Variants in TTC8 observed in about 807,000 individuals in gnomAD.
TTC8 encodes the protein tetratricopeptide repeat domain 8.
A neutral mutation model predicts 72.5 loss-of-function variants in TTC8; 47 were observed. That is an observed-to-expected ratio of 0.65 (90% CI 0.51 to 0.83). The LOEUF is 0.83. Ranked by LOEUF, TTC8 falls within the 40% of genes least tolerant of loss-of-function variation. TTC8 has a pLI of 0.00. For missense variants in TTC8, 611 were observed against 623.2 expected (o/e 0.98, Z 0.21); for synonymous variants, 199 against 221.4 (o/e 0.90, Z 0.90).
intron 12 of TTC8, among the ~76,000 whole-genome samples, 172 bp from the exon 13 acceptor site, chr14:88,872,158 C>T (rs1185576554): frequency 6.6e-6 from 1 of 152,114 alleles, no homozygotes; most frequent in African/African-American, 2.4e-5. Flanking sequence ...GGAGTCATTG[C>T]GGCTCATTTT....
Position 88,871,775 on chromosome 14 carries a change from G to C in TTC8, c.1224+52G>C. ...TGTTATAGAAAGTTGGTTTGAGCCA[G>C]ACACAGTGGCTCATGCCTATAATTC... On this transcript the variant is annotated intron_variant, in intron 12 of 14. Transcript: ENST00000380656. The surrounding 1 kb of genome is among the most constrained non-coding windows in gnomAD (Gnocchi z 4.1). The C allele has an allele frequency of 6.3e-7, 1 of 1,580,510 alleles. No homozygotes were observed. Among genetic ancestry groups the C allele is most frequent in the Non-Finnish European group, 8.7e-7 (1 of 1,150,420 alleles).
Position 88,853,016 on chromosome 14 carries a change from G to A in TTC8, c.670G>A (p.Asp224Asn). ...CTCCACAGAACATTCTCAGTACAAG[G>A]ACTGGTGGTGGAAAGTACAGATTGG... ...ALSTEHSQYK[D>N]WWWKVQIGKC... is the part of the protein sequence containing the mutation. Residue 224 changes from aspartate to asparagine, a missense_variant, in exon 8 of 15, where the codon GAC (aspartate) becomes AAC (asparagine). Physicochemically the swap from Asp to Asn is conservative, Grantham distance 23 (BLOSUM62 1). Transcript: ENST00000380656. The A allele has an allele frequency of 6.2e-7, 1 of 1,613,562 alleles. No homozygotes were observed. Among genetic ancestry groups the A allele is most frequent in the Non-Finnish European group, 8.5e-7 (1 of 1,179,644 alleles).
chr14:88,858,810 T>A (rs2141010576), intron 9 of TTC8, among the ~76,000 whole-genome samples: 1 of 142,742 alleles, frequency 7.0e-6, no homozygotes, highest in Non-Finnish European at 1.5e-5. Flanking sequence ...GCTGTGTTGA[T>A]AGGCTGGTCT....
chr14:88,870,025 T>A (rs2094927083), intron 10 of TTC8, 34 bp from the exon 11 acceptor site: 2 of 1,609,100 alleles, frequency 1.2e-6, no homozygotes, highest in African/African-American at 2.7e-5. Context: ...CCAATATTAA[T>A]AAAATATTGC....
At chr14:88,852,182 A>G (rs556990271) in intron 7 of TTC8, among the ~76,000 whole-genome samples, 1 of 152,306 alleles carries the variant, frequency 6.6e-6, no homozygotes, top group African/African-American at 2.4e-5. Context: ...AAATTTCTAC[A>G]AAGACTGATT....
At chr14:88,825,308 A>G (rs1217140989) in intron 1 of TTC8, among the ~76,000 whole-genome samples, 3 of 152,206 alleles carry the variant, frequency 2.0e-5, no homozygotes, top group Non-Finnish European at 1.5e-5. Flanking sequence ...CCAAGAGTGA[A>G]GGAGGCCATG....
chr14:88,864,682 CAAAT>C (rs1368949067), intron 10 of TTC8, among the ~76,000 whole-genome samples: 4 of 152,178 alleles, frequency 2.6e-5, no homozygotes, highest in Non-Finnish European at 5.9e-5. Flanking sequence ...CAATCATGCA[CAAAT>C]AGAGTGATCA....
intron 7 of TTC8, among the ~76,000 whole-genome samples, chr14:88,847,999 T>C (rs1595952292): frequency 6.6e-6 from 1 of 151,808 alleles, no homozygotes; most frequent in Non-Finnish European, 1.5e-5. Flanking sequence ...GGCAGGTGCC[T>C]GTAATCCCAG....
chr14:88,874,942 C>T, intron 13 of TTC8, 84 bp from the exon 14 acceptor site: 1 of 1,060,796 alleles, frequency 9.4e-7, no homozygotes, highest in Non-Finnish European at 1.4e-6. Flanking sequence ...GTAAAGAATT[C>T]TTTTACCAAA....
In TTC8 at chr14:88,840,907, G is replaced by A. The variant is rs140710339; in HGVS notation, c.308G>A (p.Gly103Glu). Residue 103 changes from glycine (G) to glutamate (E), a missense_variant, in exon 4 of 15, where the codon GGA becomes GAA. By Grantham distance (98) the Gly-to-Glu change is moderately conservative. Coordinates refer to ENST00000380656, the MANE Select transcript of TTC8 (RefSeq NM_144596.4). Reference protein sequence around the residue: ...SLKLPGTNQTGGPSQAVRPIT... With the variant: ...SLKLPGTNQTEGPSQAVRPIT... ...AAACTCCCTGGAACTAATCAGACAG[G>A]AGGGCCTAGCCAGGCCGTTAGGTAT... The A allele has an allele frequency of 3.1e-6, 5 of 1,614,118 alleles. No individual in the cohort carries two copies. Among genetic ancestry groups the A allele is most frequent in the Non-Finnish European group, 4.2e-6 (5 of 1,179,996 alleles).
At position 88,824,818 on chromosome 14, in the gene TTC8, C is replaced by A; in HGVS notation, c.111C>A (p.Asp37Glu). The A allele has an allele frequency of 6.2e-7, 1 of 1,612,034 alleles. No homozygotes were observed. The change falls in exon 1 of 15, where the codon GAC (aspartate) becomes GAA (glutamate). Residue 37 changes from aspartate (D) to glutamate (E), a missense_variant. Transcript: ENST00000380656. ...AGATGCTGGAGAAGTCCCCTTATGA[C>A]CAGGTACCGGCCAGCTCCCGTCAGC... The part of the protein sequence containing the change: ...CTQMLEKSPY[D>E]QEPDPELPVH...
At chr14:88,880,786 T>A (rs1249164235), downstream of TTC8, 1 of 151,852 alleles carries the variant, frequency 6.6e-6, no homozygotes, top group Non-Finnish European at 1.5e-5. Context: ...CCTCCCTTTT[T>A]AAAAATAGAC....
intron 10 of TTC8, among the ~76,000 whole-genome samples, chr14:88,866,250 C>T (rs543536205): frequency 6.6e-6 from 1 of 151,682 alleles, no homozygotes; most frequent in African/African-American, 2.4e-5. Context: ...GAAACCAAAC[C>T]CATATACAAC....
At chr14:88,857,051 A>G (rs1229289907) in intron 8 of TTC8, 139 bp from the exon 9 acceptor site, 1 of 773,086 alleles carries the variant, frequency 1.3e-6, no homozygotes, top group African/African-American at 1.7e-5. Context: ...ATAAATAAAC[A>G]TGTTAATTTA....
At chr14:88,862,099 A>G (rs2094888379) in intron 10 of TTC8, among the ~76,000 whole-genome samples, 1 of 152,094 alleles carries the variant, frequency 6.6e-6, no homozygotes, top group African/African-American at 2.4e-5. Context: ...TCCCATCAAC[A>G]GTGTATGAGC....
intron 9 of TTC8, among the ~76,000 whole-genome samples, chr14:88,860,017 A>G (rs990710343): frequency 6.8e-6 from 1 of 147,776 alleles, no homozygotes; most frequent in African/African-American, 2.5e-5. Flanking sequence ...TGTAAAGGAA[A>G]GAGATCAAGC....
intron 1 of TTC8, among the ~76,000 whole-genome samples, 187 bp from the exon 2 acceptor site, chr14:88,833,506 A>C (rs938730467): frequency 6.6e-6 from 1 of 152,234 alleles, no homozygotes; most frequent in Non-Finnish European, 1.5e-5. Context: ...AAAATTTAGC[A>C]TTCTTCAATG....
At chr14:88,835,126 G>A (rs1056024508) in intron 2 of TTC8, among the ~76,000 whole-genome samples, 1 of 152,162 alleles carries the variant, frequency 6.6e-6, no homozygotes, top group Non-Finnish European at 1.5e-5. Context: ...AGTGGCCATA[G>A]TTACTGAGTC....
chr14:88,870,114 A>G lies in TTC8; in HGVS notation c.965A>G (p.Asp322Gly), dbSNP rs915458707. The part of the protein sequence containing the change: ...AEYYKEVLKQ[D>G]NTHVEAIACI... Reference sequence around the variant, plus strand: ...TATTACAAAGAAGTTTTGAAACAAGACAATACTCATGTGGAAGCCATCGCA... The same window carrying G: ...TATTACAAAGAAGTTTTGAAACAAGGCAATACTCATGTGGAAGCCATCGCA... Residue 322 changes from aspartate to glycine, a missense_variant, in exon 11 of 15, where the codon GAC becomes GGC. By Grantham distance (94) the Asp-to-Gly change is moderately conservative (BLOSUM62 -1). Coordinates refer to ENST00000380656, the MANE Select transcript of TTC8 (RefSeq NM_144596.4). 2 of 1,613,942 alleles carry G rather than the reference A, an allele frequency of 1.2e-6. No homozygotes were observed. Among genetic ancestry groups the G allele is most frequent in the East Asian group, 2.2e-5 (1 of 44,874 alleles).
Sources: allele counts gnomAD v4.1 joint callset (sites outside exome capture counted in the v4.1 genomes callset), GRCh38; gene constraint gnomAD v4.1.1; non-coding constraint Gnocchi (gnomAD v3.1); transcripts MANE v1.5; gene names NCBI Gene and HGNC (gene_info 2026-07-23, HGNC 2026-07-21).